The following PHB2 variants were observed in gnomAD, a reference collection of about 807,000 sequenced individuals.
PHB2 encodes prohibitin-2.
PHB2 carries 22 observed loss-of-function variants against 46.4 expected under a neutral mutation model. The ratio of observed to expected loss-of-function variants is 0.47; its 90% confidence interval spans 0.34 to 0.68. The LOEUF is 0.68. Ranked by LOEUF, PHB2 falls within the 30% of genes least tolerant of loss-of-function variation. The pLI, the probability that PHB2 is intolerant of heterozygous loss-of-function variation, is 0.01. For missense variants in PHB2, 305 were observed against 382.8 expected, an observed-to-expected ratio of 0.80 and a Z score of 1.70; for synonymous variants, 156 against 150.5, an observed-to-expected ratio of 1.04 and a Z score of -0.27.
Position 6,970,654 on chromosome 12 carries a change from G to T in PHB2, c.-111C>A. 7.5e-7 allele frequency: 1 copy of T among 1,328,042 alleles called. No individual in the cohort carries two copies. Among genetic ancestry groups the T allele is most frequent in the Non-Finnish European group, 1.0e-6 (1 of 980,214 alleles). 82.3% of individuals were successfully genotyped at this position (1,328,042 alleles called of 1,614,324 possible). A position where few individuals can be genotyped will look rare whatever the true frequency, so the allele number is the denominator to read the frequency against. ...TCACACGAGGGTTCGGGCCCGTAAG[G>T]CTGGCGAAAGAAAGGGCAGCGGAAG... is the stretch of plus-strand genomic sequence containing the variant. On this transcript the variant is annotated 5_prime_UTR_variant, in exon 1 of 10. Coordinates refer to ENST00000535923, the MANE Select transcript of PHB2 (RefSeq NM_001144831.2).
Position 6,965,928 on chromosome 12 carries a change from G to T in PHB2, c.867-12C>A, listed in dbSNP as rs782699302. The T allele has an allele frequency of 1.3e-6, 2 of 1,598,428 alleles. No homozygotes were observed. The highest frequency in any genetic ancestry group is 1.7e-6 in the Non-Finnish European group (2 of 1,179,194). ...CAGCTTACCTTCCCCTGTGGTGCCA[G>T]ATCGCCAGATGAACAAGAAACAGAG... On this transcript the variant is annotated splice_polypyrimidine_tract_variant and intron_variant, in intron 8 of 9. Transcript: ENST00000535923.
At position 6,965,485 on chromosome 12, in the gene PHB2, C is replaced by T. The variant is rs782759624; in HGVS notation, c.*200G>A. 84 of 625,450 alleles carry T rather than the reference C, an allele frequency of 1.3e-4. No individual in the cohort carries two copies. The highest frequency in any genetic ancestry group is 2.3e-4 in the Non-Finnish European group (80 of 348,360). 38.7% of individuals were successfully genotyped at this position (625,450 alleles called of 1,614,324 possible). A position where few individuals can be genotyped will look rare whatever the true frequency, so the allele number is the denominator to read the frequency against. ...CTGTCCCCAACAGCCCCAGTTAACA[C>T]AGGGAGGAGGAAAGTAATTCCCCAG... On this transcript the variant is annotated 3_prime_UTR_variant, in exon 10 of 10. Transcript: ENST00000535923.
chr12:6,967,510 C>G lies in PHB2; in HGVS notation c.711+166G>C, dbSNP rs782119945. ...TGGGGAGTCATGGCTCAGGTACTAC[C>G]ACTAAGATTTCAGATCTCATCTGTA... is the stretch of plus-strand genomic sequence containing the variant. On this transcript the variant is annotated intron_variant, in intron 6 of 9. Transcript: ENST00000535923. The surrounding 1 kb of genome is among the most constrained non-coding windows in gnomAD (Gnocchi z 4.9). 1 of 904,182 alleles carries G rather than the reference C, an allele frequency of 1.1e-6. No individual in the cohort carries two copies. Among genetic ancestry groups the G allele is most frequent in the East Asian group, 2.4e-5 (1 of 41,854 alleles). The allele number at this position is 904,182 out of a possible 1,614,324, so 56.0% of individuals were successfully genotyped here.
In PHB2 at chr12:6,965,640, A is replaced by C; in HGVS notation, c.*45T>G. 6.4e-7 allele frequency: 1 copy of C among 1,568,906 alleles called. No homozygotes were observed. The highest frequency in any genetic ancestry group is 8.8e-7 in the Non-Finnish European group (1 of 1,142,770). On this transcript the variant is annotated 3_prime_UTR_variant, in exon 10 of 10. Coordinates refer to ENST00000535923, the MANE Select transcript of PHB2 (RefSeq NM_001144831.2). ...CTGGCTGGCTCCTCAAAAACTGGAG[A>C]AGCAGATCCACTTCCTCTGGGGGTG...
At chr12:6,965,843 G>A in intron 9 of PHB2, 68 bp downstream of exon 9, 1 of 1,588,014 alleles carries the variant, frequency 6.3e-7, no homozygotes, top group Non-Finnish European at 8.6e-7. Context: ...GTGGGAAAGG[G>A]GGTAGGGTAG....
intron 3 of PHB2, 115 bp from the exon 4 acceptor site, chr12:6,968,710 T>G: frequency 1.2e-6 from 1 of 810,902 alleles, no homozygotes; most frequent in Non-Finnish European, 2.1e-6. Flanking sequence ...GGCACTACCC[T>G]GGGGGGAGGA....
At position 6,967,786 on chromosome 12, in the gene PHB2, TG is replaced by T. The variant is rs781846523; in HGVS notation, c.608-8del. ...CGCTGGGCCTCCTGCTGGGCTGTGG[TG>T]GGAGAGAGTCAGGGAGACCCTGTCC... On this transcript the variant is annotated splice_region_variant and splice_polypyrimidine_tract_variant and intron_variant, in intron 5 of 9. Coordinates refer to ENST00000535923, the MANE Select transcript of PHB2 (RefSeq NM_001144831.2). The surrounding 1 kb of genome is among the most constrained non-coding windows in gnomAD (Gnocchi z 4.9). 2 of 1,613,070 alleles carry T rather than the reference TG, an allele frequency of 1.2e-6. No homozygotes were observed. Among genetic ancestry groups the T allele is most frequent in the South Asian group, 2.2e-5 (2 of 90,996 alleles).
intron 1 of PHB2, 29 bp downstream of exon 1, chr12:6,970,388 C>T (rs1381511747): frequency 2.5e-5 from 40 of 1,604,062 alleles, no homozygotes; most frequent in Non-Finnish European, 3.3e-5. Flanking sequence ...GGACTGGAAG[C>T]GTCCGGCGAG....
rs1946196907 is a variant in PHB2 at position 6,965,491 on chromosome 12, G to A, written c.*194C>T. On this transcript the variant is annotated 3_prime_UTR_variant, in exon 10 of 10. Transcript: ENST00000535923. ...CCAACAGCCCCAGTTAACACAGGGA[G>A]GAGGAAAGTAATTCCCCAGAAAAGG... The A allele has an allele frequency of 9.5e-6, 6 of 632,964 alleles. No individual in the cohort carries two copies. Among genetic ancestry groups the A allele is most frequent in the Admixed American group, 2.5e-5 (1 of 40,682 alleles). 39.2% of individuals were successfully genotyped at this position (632,964 alleles called of 1,614,324 possible).
Position 6,967,371 on chromosome 12 carries a change from C to T in PHB2, c.712-123G>A, listed in dbSNP as rs782425235. 1.4e-5 allele frequency: 23 copies of T among 1,609,274 alleles called. No individual in the cohort carries two copies. The highest frequency in any genetic ancestry group is 2.0e-5 in the Non-Finnish European group (23 of 1,178,080). ...CAAGGTTGCGCTCAGGTGGCTTGTG[C>T]CCAGCCCTACCGTGGACCCCACCTG... On this transcript the variant is annotated intron_variant, in intron 6 of 9. Coordinates refer to ENST00000535923, the MANE Select transcript of PHB2 (RefSeq NM_001144831.2). This position sits in a 1 kb window ranked among gnomAD's most constrained non-coding sequence, Gnocchi z 4.9.
In PHB2 at chr12:6,968,600, G is replaced by A. The variant is rs1555151325; in HGVS notation, c.293-5C>T. 3 of 1,612,716 alleles carry A rather than the reference G, an allele frequency of 1.9e-6. No homozygotes were observed. The highest frequency in any genetic ancestry group is 2.7e-5 in the African/African-American group (2 of 74,928). On this transcript the variant is annotated splice_region_variant and splice_polypyrimidine_tract_variant and intron_variant, in intron 3 of 9. Transcript: ENST00000535923. ...AGATATTCACCATCTGTAGGTCTGA[G>A]ATTGAGGTCAGCAGTGGCTGGTCAA... is the stretch of plus-strand genomic sequence containing the variant.
chr12:6,967,409 C>A lies in PHB2; in HGVS notation c.712-161G>T, dbSNP rs1946233031. The A allele has an allele frequency of 3.9e-6, 6 of 1,524,512 alleles. No individual in the cohort carries two copies. The highest frequency in any genetic ancestry group is 1.7e-4 in the Middle Eastern group (1 of 5,920). The allele number at this position is 1,524,512 out of a possible 1,614,324, so 94.4% of individuals were successfully genotyped here. A position where few individuals can be genotyped will look rare whatever the true frequency, so the allele number is the denominator to read the frequency against. ...TGGACCCCACCTGTGGGCCTCCCTG[C>A]AGGCTGCTGCCAGGAACTAGGGGCA... On this transcript the variant is annotated intron_variant, in intron 6 of 9. Coordinates refer to ENST00000535923, the MANE Select transcript of PHB2 (RefSeq NM_001144831.2). The surrounding 1 kb of genome is among the most constrained non-coding windows in gnomAD (Gnocchi z 4.9).
At position 6,968,556 on chromosome 12, in the gene PHB2, C is replaced by A; in HGVS notation, c.332G>T (p.Arg111Leu). Residue 111 changes from arginine to leucine, a missense_variant, in exon 4 of 10, where the codon CGA becomes CTA. This residue lies in a region of PHB2 where 241 missense variants were observed against 302.7 expected (regional missense o/e 0.80). Transcript: ENST00000535923. ...GCTAGGAAGCTCCTGAGCATTGGGT[C>A]GAGACAACACTCGCAGGGAGATATT... is the stretch of plus-strand genomic sequence containing the variant. ...MVNISLRVLS[R>L]PNAQELPSMY... 12 of 1,613,718 alleles carry A rather than the reference C, an allele frequency of 7.4e-6. No individual in the cohort carries two copies. The highest frequency in any genetic ancestry group is 2.2e-5 in the South Asian group (2 of 90,956).
In PHB2 at chr12:6,970,664, G is replaced by A. The variant is rs11541468; in HGVS notation, c.-121C>T. ...GTTCGGGCCCGTAAGGCTGGCGAAA[G>A]AAAGGGCAGCGGAAGTGCGCTCCCT... On this transcript the variant is annotated 5_prime_UTR_variant, in exon 1 of 10. Transcript: ENST00000535923. The A allele has an allele frequency of 3.9e-3, 4,960 of 1,257,240 alleles. 210 individuals carry two copies. The East Asian group carries it at 0.096, about 24-fold the overall frequency. The allele number at this position is 1,257,240 out of a possible 1,614,324, so 77.9% of individuals were successfully genotyped here.
chr12:6,967,736 T>C lies in PHB2; in HGVS notation c.651A>G (p.Ala217=). ...CAATTTTCTGCCGCTGTTCCTGCTT[T>C]GCTTTTTCTACCAAGAATTGGGCCC... ...AQRAQFLVEK[A]KQEQRQKIVQ... Residue 217 remains alanine (A), a synonymous_variant, in exon 6 of 10, where the codon GCA becomes GCG. Transcript: ENST00000535923. This position sits in a 1 kb window ranked among gnomAD's most constrained non-coding sequence, Gnocchi z 4.9. 1 of 1,613,994 alleles carries C rather than the reference T, an allele frequency of 6.2e-7. No homozygotes were observed. Among genetic ancestry groups the C allele is most frequent in the Non-Finnish European group, 8.5e-7 (1 of 1,179,886 alleles).
rs782408680 is a variant in PHB2 at position 6,970,546 on chromosome 12, C to G, written c.-3G>C. The G allele has an allele frequency of 3.8e-6, 6 of 1,594,844 alleles. No homozygotes were observed. Among genetic ancestry groups the G allele is most frequent in the Non-Finnish European group, 3.4e-6 (4 of 1,173,430 alleles). On this transcript the variant is annotated 5_prime_UTR_variant, in exon 1 of 10. Coordinates refer to ENST00000535923, the MANE Select transcript of PHB2 (RefSeq NM_001144831.2). ...AAGTCCTTCAAGTTCTGGGCCATGTCTGATCTTGAGGCCGGCGGCACTGGA... is the reference window on the plus strand; with the variant it reads ...AAGTCCTTCAAGTTCTGGGCCATGTGTGATCTTGAGGCCGGCGGCACTGGA...
At chr12:6,968,713 G>A in intron 3 of PHB2, 118 bp from the exon 4 acceptor site, 1 of 789,674 alleles carries the variant, frequency 1.3e-6, no homozygotes, top group Non-Finnish European at 2.2e-6. Flanking sequence ...ACTACCCTGG[G>A]GGGAGGAGAG....
rs373940651 is a variant in PHB2 at position 6,966,660 on chromosome 12, G to A, written c.790-160C>T. Reference sequence around the variant, plus strand: ...CTGCTCGCACTTAGGGATCCAGAGCGCTGAGCAGCAGCTATGATTAGAACA... The same window carrying A: ...CTGCTCGCACTTAGGGATCCAGAGCACTGAGCAGCAGCTATGATTAGAACA... On this transcript the variant is annotated intron_variant, in intron 7 of 9. Transcript: ENST00000535923. Among the ~76,000 whole-genome samples, 105 of 152,334 alleles carry A rather than the reference G, an allele frequency of 6.9e-4. 1 individual carries two copies. The South Asian group carries it at 9.3e-3, about 14-fold the overall frequency.
Position 6,970,657 on chromosome 12 carries a change from G to A in PHB2, c.-114C>T. The A allele has an allele frequency of 1.5e-6, 2 of 1,322,794 alleles. No homozygotes were observed. The highest frequency in any genetic ancestry group is 2.8e-5 in the South Asian group (2 of 70,310). 81.9% of individuals were successfully genotyped at this position (1,322,794 alleles called of 1,614,324 possible). On this transcript the variant is annotated 5_prime_UTR_variant, in exon 1 of 10. Coordinates refer to ENST00000535923, the MANE Select transcript of PHB2 (RefSeq NM_001144831.2). ...CACGAGGGTTCGGGCCCGTAAGGCT[G>A]GCGAAAGAAAGGGCAGCGGAAGTGC...
Sources: allele counts gnomAD v4.1 joint callset (sites outside exome capture counted in the v4.1 genomes callset), GRCh38; gene constraint gnomAD v4.1.1; regional missense constraint gnomAD v4.1.1; non-coding constraint Gnocchi (gnomAD v3.1); transcripts MANE v1.5; gene names NCBI Gene and HGNC (gene_info 2026-07-23, HGNC 2026-07-21).